PTPRT: variants seen among roughly 807,000 people sequenced by gnomAD.
PTPRT encodes the protein protein tyrosine phosphatase receptor type T.
PTPRT carries 56 observed loss-of-function variants against 176.8 expected under a neutral mutation model. The observed-to-expected ratio is 0.32, with a 90% CI of 0.26 to 0.40. The LOEUF is 0.40. PTPRT is among the 10% of genes least tolerant of loss of function. PTPRT has a pLI of 1.00. For synonymous variants in PTPRT, 783 were observed against 739.0 expected (o/e 1.06, Z -0.96); for missense variants, 1,540 against 1,908.2 (o/e 0.81, Z 3.60).
intron 9 of PTPRT, among the ~76,000 whole-genome samples, chr20:42,382,545 C>T (rs1008977158): frequency 1.3e-5 from 2 of 152,182 alleles, no homozygotes; most frequent in Non-Finnish European, 2.9e-5. Context: ...TTCATAAACA[C>T]AGACTGCCTG....
At chr20:42,817,689 C>G (rs2077813442) in intron 2 of PTPRT, among the ~76,000 whole-genome samples, 1 of 152,114 alleles carries the variant, frequency 6.6e-6, no homozygotes, top group Non-Finnish European at 1.5e-5. Context: ...TATGCTGGAG[C>G]CAGGGAGGCT....
chr20:42,400,728 C>CTTG (rs2058897514), intron 9 of PTPRT, among the ~76,000 whole-genome samples: 1 of 152,148 alleles, frequency 6.6e-6, no homozygotes, highest in African/African-American at 2.4e-5. Flanking sequence ...AAGGAAAGGT[C>CTTG]TTGTTGGTCA....
chr20:42,091,517 C>T (rs139989811), intron 27 of PTPRT, among the ~76,000 whole-genome samples: 47 of 152,214 alleles, frequency 3.1e-4, no homozygotes, highest in Non-Finnish European at 4.7e-4. Flanking sequence ...AATATCATCA[C>T]GTTAGAAATA....
chr20:42,400,325 C>T (rs995417054), intron 9 of PTPRT, among the ~76,000 whole-genome samples: 1 of 151,812 alleles, frequency 6.6e-6, no homozygotes, highest in Non-Finnish European at 1.5e-5. Flanking sequence ...GTTGATTCAA[C>T]TATTTTGATA....
At chr20:42,460,096 C>A (rs2070992577) in intron 8 of PTPRT, among the ~76,000 whole-genome samples, 2 of 152,130 alleles carry the variant, frequency 1.3e-5, no homozygotes, top group South Asian at 4.1e-4. Flanking sequence ...TGTTTAATTC[C>A]ACGGGCTGAT....
At chr20:42,485,363 T>C (rs772348837) in intron 7 of PTPRT, among the ~76,000 whole-genome samples, 2 of 152,156 alleles carry the variant, frequency 1.3e-5, no homozygotes, top group Non-Finnish European at 2.9e-5. Flanking sequence ...ACATTTCTGA[T>C]GGTCAAAAGC....
At chr20:43,180,500 G>A (rs1265732409) in intron 1 of PTPRT, among the ~76,000 whole-genome samples, 2 of 149,946 alleles carry the variant, frequency 1.3e-5, no homozygotes. Flanking sequence ...TTTCACTCTT[G>A]TCTCCCGGGC....
chr20:42,338,541 G>A (rs1019044270), intron 11 of PTPRT, among the ~76,000 whole-genome samples: 68 of 152,340 alleles, frequency 4.5e-4, no homozygotes, highest in African/African-American at 1.6e-3. Context: ...AGCAGGAACA[G>A]GGTGTCCTGG....
At chr20:42,780,371 C>A in intron 3 of PTPRT, 72 bp from the exon 4 acceptor site, 2 of 1,196,968 alleles carry the variant, frequency 1.7e-6, no homozygotes, top group Non-Finnish European at 2.5e-6. Context: ...GCTGCCCGGC[C>A]CCCAGCCCTT....
intron 1 of PTPRT, among the ~76,000 whole-genome samples, chr20:42,929,922 A>T (rs1048344560): frequency 6.6e-6 from 1 of 152,204 alleles, no homozygotes; most frequent in African/African-American, 2.4e-5. Context: ...TGATTACTAA[A>T]TGGGTATTGG....
intron 1 of PTPRT, among the ~76,000 whole-genome samples, chr20:42,946,166 C>T (rs1401717479): frequency 6.6e-6 from 1 of 152,162 alleles, no homozygotes; most frequent in Non-Finnish European, 1.5e-5. Flanking sequence ...CTCAGACCCA[C>T]TAAGAAATGG....
intron 7 of PTPRT, among the ~76,000 whole-genome samples, chr20:42,584,645 T>C (rs923885034): frequency 6.6e-6 from 1 of 152,182 alleles, no homozygotes; most frequent in Non-Finnish European, 1.5e-5. Context: ...AATATTTATA[T>C]GTTTATTGTC....
At chr20:43,043,171 C>G (rs904478754) in intron 1 of PTPRT, among the ~76,000 whole-genome samples, 1 of 152,122 alleles carries the variant, frequency 6.6e-6, no homozygotes, top group Non-Finnish European at 1.5e-5. Context: ...TGGTCCCCTG[C>G]AAGTTGAAGT....
chr20:42,248,739 G>A lies in PTPRT; in HGVS notation c.2260C>T (p.Leu754Phe), dbSNP rs763387029. 1.9e-6 allele frequency: 3 copies of A among 1,614,074 alleles called. No homozygotes were observed. In the South Asian group the frequency reaches 3.3e-5, roughly 18 times the overall value. ...AGGAGAATGATGATGAACATGAGGA[G>A]GCCAGCGATCACGCCAGCCATCTTC... The part of the protein sequence containing the change: ...TVKMAGVIAG[L>F]LMFIIILLGV... Residue 754 changes from leucine to phenylalanine, a missense_variant, in exon 14 of 31, where the codon CTC (leucine) becomes TTC (phenylalanine). Transcript: ENST00000373187.
rs62204863 is a variant in PTPRT, at chr20:42,467,367, T to C, written c.1450+4899A>G. 8.5e-3 allele frequency among the ~76,000 whole-genome samples: 1,297 copies of C among 152,274 alleles called. 11 individuals are homozygous for C. Among genetic ancestry groups the C allele is most frequent in the Middle Eastern group, 0.014 (4 of 294 alleles). ...ATCTAAGTGACCATATGTGACATCA[T>C]CAGTACTGGGACTCCCTGACATTAT... On this transcript the variant is annotated intron_variant, in intron 8 of 30. Coordinates refer to ENST00000373187, the MANE Select transcript of PTPRT (RefSeq NM_007050.6).
At chr20:42,580,185 C>G (rs889220557) in intron 7 of PTPRT, among the ~76,000 whole-genome samples, 2 of 152,076 alleles carry the variant, frequency 1.3e-5, no homozygotes, top group Non-Finnish European at 2.9e-5. Flanking sequence ...GCTTGTTTTT[C>G]TCAGGTTTGT....
chr20:42,588,374 G>T (rs1333897056), intron 7 of PTPRT, among the ~76,000 whole-genome samples: 2 of 152,094 alleles, frequency 1.3e-5, no homozygotes, highest in Admixed American at 1.3e-4. Context: ...AACCTGGGAG[G>T]TGAAGGTTGC....
rs779424662 is a variant in PTPRT, at chr20:42,098,533, G to A, written c.3734C>T (p.Ala1245Val). ...TAGAGGGTGCTGGGTGACCACGAAG[G>A]CGGCAGGCTGCTTGTGGCTCTGACA... ...ALMDSHKQPA[A>V]FVVTQHPLPN... The change falls in exon 27 of 31, where the codon GCC becomes GTC. Residue 1245 changes from alanine to valine, a missense_variant. Coordinates refer to ENST00000373187, the MANE Select transcript of PTPRT (RefSeq NM_007050.6). 4 of 1,614,062 alleles carry A rather than the reference G, an allele frequency of 2.5e-6. No homozygotes were observed. The highest frequency in any genetic ancestry group is 1.3e-5 in the African/African-American group (1 of 74,934).
At chr20:43,021,162 C>T (rs1303195213) in intron 1 of PTPRT, among the ~76,000 whole-genome samples, 1 of 152,086 alleles carries the variant, frequency 6.6e-6, no homozygotes, top group East Asian at 1.9e-4. Flanking sequence ...GAGTTAATAC[C>T]TACTCAAAGG....
Sources: allele counts gnomAD v4.1 joint callset (sites outside exome capture counted in the v4.1 genomes callset), GRCh38; gene constraint gnomAD v4.1.1; transcripts MANE v1.5; gene names NCBI Gene and HGNC (gene_info 2026-07-23, HGNC 2026-07-21).